The following MEGF11 variants were observed in gnomAD, a reference collection of about 807,000 sequenced individuals.
The protein encoded by MEGF11 is multiple EGF like domains 11.
In MEGF11, 126 loss-of-function variants were observed where a neutral mutation model predicts 146.6. The ratio of observed to expected loss-of-function variants is 0.86; its 90% CI spans 0.74 to 1.00. The LOEUF (loss-of-function observed/expected upper bound fraction) is 1.00. MEGF11 is among the 50% of genes least tolerant of loss of function. The pLI is 0.00. For missense variants in MEGF11, 1,509 were observed against 1,521.2 expected (o/e 0.99, Z 0.13); for synonymous variants, 532 against 583.4 (o/e 0.91, Z 1.27).
intron 7 of MEGF11, among the ~76,000 whole-genome samples, chr15:65,979,522 G>A (rs1221467782): frequency 6.6e-6 from 1 of 152,188 alleles, no homozygotes; most frequent in Non-Finnish European, 1.5e-5. Flanking sequence ...GGGAGGTGGT[G>A]GACTGTGTCG....
chr15:65,913,110 C>T (rs903366194), intron 20 of MEGF11, among the ~76,000 whole-genome samples: 76 of 152,168 alleles, frequency 5.0e-4, no homozygotes, highest in Admixed American at 2.6e-4. Flanking sequence ...GGAAGGATAT[C>T]GCCCAGCAGC....
intron 1 of MEGF11, among the ~76,000 whole-genome samples, chr15:66,172,782 C>A (rs2141120929): frequency 6.6e-6 from 1 of 152,348 alleles, no homozygotes; most frequent in African/African-American, 2.4e-5. Context: ...GAACCCTGAC[C>A]AATACCTCTC....
intron 10 of MEGF11, among the ~76,000 whole-genome samples, chr15:65,941,334 T>G (rs1033163434): frequency 3.3e-5 from 5 of 151,730 alleles, no homozygotes; most frequent in Non-Finnish European, 7.4e-5. Flanking sequence ...AAGAATAGCC[T>G]AAACTTGGGA....
At chr15:66,247,142 C>A (rs1206582378) in intron 1 of MEGF11, among the ~76,000 whole-genome samples, 1 of 152,132 alleles carries the variant, frequency 6.6e-6, no homozygotes, top group Non-Finnish European at 1.5e-5. Flanking sequence ...GAACCACCTC[C>A]TCCAGGAAGC....
chr15:65,966,563 G>C (rs1054735906), intron 8 of MEGF11, among the ~76,000 whole-genome samples: 7 of 152,080 alleles, frequency 4.6e-5, no homozygotes, highest in African/African-American at 1.7e-4. Context: ...TAGAGGAAGC[G>C]TCTTCCTGCA....
intron 17 of MEGF11, chr15:65,916,558 C>G (rs1308783418): frequency 1.5e-6 from 1 of 674,212 alleles, no homozygotes; most frequent in East Asian, 2.7e-5. Flanking sequence ...CTGGGCCCCA[C>G]TGTCCAAGGA....
chr15:66,241,009 G>A (rs1382859996), intron 1 of MEGF11, among the ~76,000 whole-genome samples: 4 of 152,202 alleles, frequency 2.6e-5, no homozygotes, highest in Non-Finnish European at 5.9e-5. Context: ...GTATACAGAC[G>A]TTGAAACATC....
intron 1 of MEGF11, among the ~76,000 whole-genome samples, chr15:66,222,631 C>T (rs566828560): frequency 2.0e-5 from 3 of 152,310 alleles, no homozygotes; most frequent in Admixed American, 6.5e-5. Context: ...CTGGCTCATT[C>T]GCTCATTCAT....
At chr15:65,925,181 G>T (rs765291364) in intron 13 of MEGF11, among the ~76,000 whole-genome samples, 1 of 152,206 alleles carries the variant, frequency 6.6e-6, no homozygotes, top group African/African-American at 2.4e-5. Context: ...CGTGGCAGCT[G>T]GTTGCTATTG....
chr15:65,911,753 A>G (rs2078815745), intron 21 of MEGF11, among the ~76,000 whole-genome samples: 1 of 152,206 alleles, frequency 6.6e-6, no homozygotes, highest in African/African-American at 2.4e-5. Flanking sequence ...GACATGTGGC[A>G]AAAGTGTCTA....
At chr15:65,929,948 C>T in intron 11 of MEGF11, 65 bp from the exon 12 acceptor site, 4 of 1,476,264 alleles carry the variant, frequency 2.7e-6, no homozygotes, top group Non-Finnish European at 3.7e-6. Context: ...TTGCCCACTC[C>T]CCCCAGCTCT....
Position 65,920,415 on chromosome 15 carries a change from C to G in MEGF11, c.1957+1923G>C, listed in dbSNP as rs28435641. ...CTGGGAGGTGCTTGATTTGGGGAAC[C>G]CATCCCCAAGTCCTGGCCCTCTGTG... On this transcript the variant is annotated intron_variant, in intron 15 of 25. Transcript: ENST00000395614. Among the ~76,000 whole-genome samples the G allele has an allele frequency of 9.3e-3, 1,417 of 152,280 alleles. 23 individuals carry two copies. The highest frequency in any genetic ancestry group is 0.032 in the African/African-American group (1,324 of 41,568).
At chr15:66,078,303 C>T (rs776916407) in intron 5 of MEGF11, among the ~76,000 whole-genome samples, 3 of 152,236 alleles carry the variant, frequency 2.0e-5, no homozygotes, top group Non-Finnish European at 4.4e-5. Flanking sequence ...TCCCTGTCAG[C>T]CTCAAGTGCC....
chr15:66,019,673 T>C (rs1401643867), intron 5 of MEGF11, among the ~76,000 whole-genome samples: 1 of 152,198 alleles, frequency 6.6e-6, no homozygotes, highest in African/African-American at 2.4e-5. Context: ...GGATGGAGAA[T>C]TGGGTTGGAA....
At chr15:66,188,120 A>ACC (rs35291355) in intron 1 of MEGF11, among the ~76,000 whole-genome samples, 45 of 151,218 alleles carry the variant, frequency 3.0e-4, no homozygotes, top group Non-Finnish European at 5.2e-4. Context: ...ATGTAGTAAC[A>ACC]CCCCCCCATG....
intron 4 of MEGF11, among the ~76,000 whole-genome samples, chr15:66,094,751 G>A (rs549537958): frequency 1.8e-4 from 27 of 152,264 alleles, no homozygotes; most frequent in African/African-American, 6.0e-4. Flanking sequence ...CGGTAACTCC[G>A]TTGGCTTTTT....
intron 5 of MEGF11, among the ~76,000 whole-genome samples, chr15:66,079,869 G>A (rs531861310): frequency 1.8e-4 from 27 of 152,286 alleles, no homozygotes; most frequent in African/African-American, 6.5e-4. Context: ...CCCCTTCCCA[G>A]CCTGATCCTC....
At chr15:66,181,120 A>G (rs1280219093) in intron 1 of MEGF11, among the ~76,000 whole-genome samples, 1 of 152,282 alleles carries the variant, frequency 6.6e-6, no homozygotes, top group East Asian at 1.9e-4. Flanking sequence ...TATTAGAAAC[A>G]AAGTAACATA....
intron 1 of MEGF11, among the ~76,000 whole-genome samples, chr15:66,132,394 C>T (rs2088683598): frequency 6.6e-6 from 1 of 152,264 alleles, no homozygotes; most frequent in Non-Finnish European, 1.5e-5. Flanking sequence ...TTCACTTCCA[C>T]CACTGGCTTC....
Sources: allele counts gnomAD v4.1 joint callset (sites outside exome capture counted in the v4.1 genomes callset), GRCh38; gene constraint gnomAD v4.1.1; transcripts MANE v1.5; gene names NCBI Gene and HGNC (gene_info 2026-07-23, HGNC 2026-07-21).